CHRNA5: variants seen among roughly 807,000 people sequenced by gnomAD.
CHRNA5 encodes the protein cholinergic receptor nicotinic alpha 5 subunit, also known as neuronal acetylcholine receptor subunit alpha-5.
Under a neutral mutation model 41.2 loss-of-function variants are expected in CHRNA5, and 28 were observed. The ratio of observed to expected loss-of-function variants is 0.68; its 90% CI spans 0.50 to 0.93. The LOEUF is 0.93. Among genes scored for constraint, CHRNA5 ranks in the 40% least tolerant of loss-of-function variants. CHRNA5 has a pLI of 0.00. For synonymous variants in CHRNA5, 188 were observed against 205.8 expected, an observed-to-expected ratio of 0.91 and a Z score of 0.74; for missense variants, 481 against 581.9, an observed-to-expected ratio of 0.83 and a Z score of 1.78.
intron 1 of CHRNA5, among the ~76,000 whole-genome samples, chr15:78,576,436 G>A (rs925107717): frequency 6.6e-6 from 1 of 152,118 alleles, no homozygotes. Context: ...GTGAGCCACC[G>A]CGCCTGGCCC....
At chr15:78,578,246 G>A (rs1251349880) in intron 1 of CHRNA5, among the ~76,000 whole-genome samples, 1 of 152,116 alleles carries the variant, frequency 6.6e-6, no homozygotes, top group Non-Finnish European at 1.5e-5. Context: ...AGTGGCTCAC[G>A]CCTGTAATCC....
chr15:78,574,450 T>TA (rs1326129360), intron 1 of CHRNA5, among the ~76,000 whole-genome samples: 4 of 151,836 alleles, frequency 2.6e-5, no homozygotes, highest in Non-Finnish European at 4.4e-5. Context: ...AAGGTTTTTT[T>TA]AAAAAAATCT....
At chr15:78,573,960 CTAA>C (rs2052831057) in intron 1 of CHRNA5, among the ~76,000 whole-genome samples, 1 of 125,676 alleles carries the variant, frequency 8.0e-6, no homozygotes, top group Non-Finnish European at 1.7e-5. Context: ...CCACGCCTGG[CTAA>C]TTTTTTTTTT....
intron 2 of CHRNA5, among the ~76,000 whole-genome samples, chr15:78,582,676 C>T (rs569946375): frequency 1.3e-5 from 2 of 152,170 alleles, no homozygotes; most frequent in Non-Finnish European, 2.9e-5. Context: ...AGGTGGCACC[C>T]GAGCTGGCTT....
At chr15:78,574,972 T>TA (rs375021466) in intron 1 of CHRNA5, among the ~76,000 whole-genome samples, 43,623 of 135,138 alleles carry the variant, frequency 0.32, 6,854 homozygotes, top group Middle Eastern at 0.44. Context: ...GACCCTGTCT[T>TA]AAAAAAAAAA....
chr15:78,590,840 C>T (rs559174825), intron 5 of CHRNA5: 4 of 552,538 alleles, frequency 7.2e-6, no homozygotes, highest in Non-Finnish European at 1.3e-5. Flanking sequence ...GGCATTTACA[C>T]AAATCTCACT....
chr15:78,569,624 G>T (rs1233413874), intron 1 of CHRNA5, among the ~76,000 whole-genome samples: 1 of 151,364 alleles, frequency 6.6e-6, no homozygotes, highest in Non-Finnish European at 1.5e-5. Context: ...TAGTAGAGAC[G>T]GGGTTTCACC....
intron 1 of CHRNA5, among the ~76,000 whole-genome samples, chr15:78,577,007 ATGT>A (rs1185206874): frequency 2.6e-5 from 4 of 152,208 alleles, no homozygotes; most frequent in East Asian, 1.9e-4. Context: ...GTAAATGTCG[ATGT>A]TGTCTGTTTT....
intron 2 of CHRNA5, among the ~76,000 whole-genome samples, chr15:78,583,510 G>A (rs1045229322): frequency 6.6e-6 from 1 of 152,032 alleles, no homozygotes; most frequent in South Asian, 2.1e-4. Flanking sequence ...TGGCTAACAC[G>A]GTGAAACCCC....
chr15:78,572,488 T>C (rs2052814753), intron 1 of CHRNA5, among the ~76,000 whole-genome samples: 3 of 152,162 alleles, frequency 2.0e-5, no homozygotes, highest in Non-Finnish European at 4.4e-5. Context: ...TTATTTTTTA[T>C]TTTATTTTTT....
At chr15:78,569,039 A>T (rs1405566288) in intron 1 of CHRNA5, among the ~76,000 whole-genome samples, 1 of 152,222 alleles carries the variant, frequency 6.6e-6, no homozygotes, top group East Asian at 1.9e-4. Context: ...TGTTATATAT[A>T]TGTCCTTACG....
At chr15:78,568,767 A>T (rs1273248540) in intron 1 of CHRNA5, among the ~76,000 whole-genome samples, 2 of 152,204 alleles carry the variant, frequency 1.3e-5, no homozygotes, top group African/African-American at 4.8e-5. Flanking sequence ...TTTGCTGAGC[A>T]TGATGGTTTC....
intron 2 of CHRNA5, among the ~76,000 whole-genome samples, chr15:78,581,587 T>G (rs1314875053): frequency 6.6e-6 from 1 of 152,172 alleles, no homozygotes; most frequent in Non-Finnish European, 1.5e-5. Context: ...ATATGTATAT[T>G]TATATATATG....
chr15:78,569,661 C>T (rs766349798), intron 1 of CHRNA5, among the ~76,000 whole-genome samples: 1 of 151,910 alleles, frequency 6.6e-6, no homozygotes, highest in African/African-American at 2.4e-5. Flanking sequence ...TCTCGATCTC[C>T]TGACCTCATG....
chr15:78,586,350 C>G (rs1455527795), intron 2 of CHRNA5, among the ~76,000 whole-genome samples: 3 of 152,172 alleles, frequency 2.0e-5, no homozygotes, highest in Non-Finnish European at 4.4e-5. Context: ...ATGCTTATAT[C>G]TTAGACTGCA....
chr15:78,566,175 G>A (rs2052745307), intron 1 of CHRNA5, among the ~76,000 whole-genome samples: 1 of 152,060 alleles, frequency 6.6e-6, no homozygotes, highest in East Asian at 1.9e-4. Flanking sequence ...CCATTTTGTT[G>A]CCCATTTACG....
chr15:78,594,341 T>C (rs2053063682), exon 6 of CHRNA5: 1 of 152,146 alleles, frequency 6.6e-6, no homozygotes, highest in African/African-American at 2.4e-5. Flanking sequence ...TCCTTGATCT[T>C]AGAATAGTCA....
At chr15:78,574,700 C>G (rs12903839) in intron 1 of CHRNA5, among the ~76,000 whole-genome samples, 4,944 of 152,072 alleles carry the variant, frequency 0.033, 112 homozygotes, top group Non-Finnish European at 0.051. Flanking sequence ...AAATTGTGGG[C>G]CAGACACGGT....
intron 2 of CHRNA5, among the ~76,000 whole-genome samples, chr15:78,585,302 C>G (rs575735331): frequency 6.6e-6 from 1 of 152,274 alleles, no homozygotes; most frequent in Admixed American, 6.5e-5. Flanking sequence ...TACTCATTCT[C>G]CCCATGCAGG....
Sources: allele counts gnomAD v4.1 joint callset (sites outside exome capture counted in the v4.1 genomes callset), GRCh38; gene constraint gnomAD v4.1.1; transcripts MANE v1.5; gene names NCBI Gene and HGNC (gene_info 2026-07-23, HGNC 2026-07-21).